Variants in SEMA3A observed in about 807,000 individuals in gnomAD.
The protein encoded by SEMA3A is semaphorin-3A.
Under a neutral mutation model 97.9 loss-of-function variants are expected in SEMA3A, and 29 were observed. The ratio of observed to expected loss-of-function variants is 0.30; its 90% CI spans 0.22 to 0.40. The LOEUF (loss-of-function observed/expected upper bound fraction) is 0.40. Ranked by LOEUF, SEMA3A falls within the 10% of genes least tolerant of loss-of-function variation. The probability of loss-of-function intolerance (pLI) is 1.00; values close to 1 mark genes in which losing one functional copy is unlikely to be tolerated. For missense variants in SEMA3A, 763 were observed against 951.3 expected, an observed-to-expected ratio of 0.80 and a Z score of 2.60; for synonymous variants, 321 against 323.7, an observed-to-expected ratio of 0.99 and a Z score of 0.09.
intron 3 of SEMA3A, among the ~76,000 whole-genome samples, chr7:84,247,727 T>A (rs1425952803): frequency 6.6e-6 from 1 of 152,126 alleles, no homozygotes; most frequent in Non-Finnish European, 1.5e-5. Flanking sequence ...CCATAGTAAC[T>A]CCCCTTACCC....
chr7:84,102,003 G>T (rs1794971571), intron 4 of SEMA3A, among the ~76,000 whole-genome samples: 1 of 120,518 alleles, frequency 8.3e-6, no homozygotes, highest in Admixed American at 9.3e-5. Flanking sequence ...TTTCACCTGT[G>T]GTTATTTTTA....
At chr7:84,411,574 T>G (rs1236139716) in intron 1 of SEMA3A, among the ~76,000 whole-genome samples, 1 of 150,862 alleles carries the variant, frequency 6.6e-6, no homozygotes, top group Non-Finnish European at 1.5e-5. Context: ...TAATTATATA[T>G]ATATATATTC....
chr7:84,206,868 A>C (rs1798507539), intron 3 of SEMA3A, among the ~76,000 whole-genome samples: 1 of 152,034 alleles, frequency 6.6e-6, no homozygotes, highest in African/African-American at 2.4e-5. Flanking sequence ...ATATTTTTCT[A>C]TGTTTTGTAT....
At chr7:84,409,420 T>C (rs1262494285) in intron 1 of SEMA3A, among the ~76,000 whole-genome samples, 1 of 152,098 alleles carries the variant, frequency 6.6e-6, no homozygotes, top group Non-Finnish European at 1.5e-5. Context: ...ACTGCCACAT[T>C]ATACATACAA....
chr7:84,225,678 T>C (rs73181391), intron 3 of SEMA3A, among the ~76,000 whole-genome samples: 22 of 151,896 alleles, frequency 1.4e-4, no homozygotes, highest in Non-Finnish European at 2.8e-4. Context: ...TGTAAATTCC[T>C]AGGTCATCTC....
At chr7:84,134,368 C>T (rs947859457) in intron 2 of SEMA3A, among the ~76,000 whole-genome samples, 3 of 152,122 alleles carry the variant, frequency 2.0e-5, no homozygotes, top group Non-Finnish European at 2.9e-5. Context: ...ACTTTATTTA[C>T]AAACACTGAT....
intron 2 of SEMA3A, among the ~76,000 whole-genome samples, chr7:84,331,326 G>A (rs1459170015): frequency 6.6e-6 from 1 of 152,094 alleles, no homozygotes; most frequent in Non-Finnish European, 1.5e-5. Context: ...TATGACAAGA[G>A]CCTTCTACCT....
chr7:84,417,129 A>C (rs1584307607), intron 1 of SEMA3A, among the ~76,000 whole-genome samples: 1 of 152,108 alleles, frequency 6.6e-6, no homozygotes, highest in Non-Finnish European at 1.5e-5. Context: ...GTTCAGAGCA[A>C]TCTTGCTCCA....
intron 1 of SEMA3A, among the ~76,000 whole-genome samples, chr7:84,486,602 T>C (rs539126971): frequency 6.6e-6 from 1 of 152,246 alleles, no homozygotes; most frequent in African/African-American, 2.4e-5. Flanking sequence ...TATTCACGAG[T>C]ATTCACACAA....
chr7:84,000,725 A>G (rs1263282568), intron 12 of SEMA3A, among the ~76,000 whole-genome samples: 2 of 152,182 alleles, frequency 1.3e-5, no homozygotes, highest in East Asian at 3.9e-4. Context: ...TTATTACAAA[A>G]CATCTATGCT....
chr7:84,093,848 A>G (rs1421052747), intron 4 of SEMA3A, among the ~76,000 whole-genome samples: 1 of 151,940 alleles, frequency 6.6e-6, no homozygotes, highest in African/African-American at 2.4e-5. Flanking sequence ...TGGGCTTAAT[A>G]CTTAGGTGAT....
At chr7:84,061,353 T>C (rs1793208586) in intron 4 of SEMA3A, among the ~76,000 whole-genome samples, 1 of 152,160 alleles carries the variant, frequency 6.6e-6, no homozygotes, top group African/African-American at 2.4e-5. Context: ...ATCAAAAATC[T>C]TGATAAGGAG....
intron 1 of SEMA3A, among the ~76,000 whole-genome samples, chr7:84,377,245 A>G (rs1356713427): frequency 1.3e-5 from 2 of 151,748 alleles, no homozygotes; most frequent in Non-Finnish European, 2.9e-5. Context: ...GTGGATATCT[A>G]TTTTTCCTAG....
intron 3 of SEMA3A, among the ~76,000 whole-genome samples, chr7:84,247,886 T>A (rs1799513728): frequency 6.6e-6 from 1 of 152,120 alleles, no homozygotes; most frequent in Non-Finnish European, 1.5e-5. Flanking sequence ...ATGTGATAAG[T>A]TTAAATTATT....
intron 7 of SEMA3A, among the ~76,000 whole-genome samples, chr7:84,013,475 C>A (rs922747033): frequency 6.6e-6 from 1 of 152,080 alleles, no homozygotes; most frequent in Admixed American, 6.6e-5. Flanking sequence ...GCATAGGATG[C>A]TACAATCAGT....
At chr7:84,349,728 T>C (rs2116019268) in intron 2 of SEMA3A, among the ~76,000 whole-genome samples, 1 of 152,342 alleles carries the variant, frequency 6.6e-6, no homozygotes, top group African/African-American at 2.4e-5. Context: ...ATTCCACCTG[T>C]ATATTTTTCA....
chr7:84,436,620 C>T (rs1012926994), intron 1 of SEMA3A, among the ~76,000 whole-genome samples: 1 of 152,020 alleles, frequency 6.6e-6, no homozygotes, highest in Non-Finnish European at 1.5e-5. Context: ...GATATAAGTT[C>T]GGATTTCTTT....
At chr7:84,289,456 G>A (rs34808266) in intron 3 of SEMA3A, among the ~76,000 whole-genome samples, 4,984 of 151,896 alleles carry the variant, frequency 0.033, 94 homozygotes, top group South Asian at 0.06. Flanking sequence ...CTATATACAC[G>A]TATAAAAATA....
chr7:84,017,800 A>T (rs1791165292), intron 6 of SEMA3A, among the ~76,000 whole-genome samples: 1 of 151,934 alleles, frequency 6.6e-6, no homozygotes, highest in Non-Finnish European at 1.5e-5. Flanking sequence ...CTCACTGATG[A>T]ATCACCTCTT....
Sources: allele counts gnomAD v4.1 joint callset (sites outside exome capture counted in the v4.1 genomes callset), GRCh38; gene constraint gnomAD v4.1.1; transcripts MANE v1.5; gene names NCBI Gene and HGNC (gene_info 2026-07-23, HGNC 2026-07-21).